MACROD2: variants seen among roughly 807,000 people sequenced by gnomAD.
MACROD2 encodes ADP-ribose glycohydrolase MACROD2.
In MACROD2, 36 loss-of-function variants were observed where a neutral mutation model predicts 70.4. That is an observed-to-expected ratio of 0.51 (90% CI 0.39 to 0.68). The LOEUF is 0.68. Among genes scored for constraint, MACROD2 ranks in the 30% least tolerant of loss-of-function variants. MACROD2 has a pLI of 0.00. For synonymous variants in MACROD2, 172 were observed against 178.8 expected (o/e 0.96, Z 0.30); for missense variants, 496 against 538.4 (o/e 0.92, Z 0.78).
chr20:14,497,720 A>T (rs762302244), intron 4 of MACROD2, among the ~76,000 whole-genome samples: 2 of 151,744 alleles, frequency 1.3e-5, no homozygotes, highest in Non-Finnish European at 2.9e-5. Context: ...TTTTGTACAC[A>T]TAGCTTTATG....
At chr20:14,682,171 G>A (rs192810621) in intron 4 of MACROD2, among the ~76,000 whole-genome samples, 15 of 152,136 alleles carry the variant, frequency 9.9e-5, no homozygotes, top group Non-Finnish European at 1.9e-4. Flanking sequence ...GGTAATATTT[G>A]ACAGCATATG....
chr20:14,322,175 A>AATATATAT lies in MACROD2; in HGVS notation c.272-171285_272-171278dup, dbSNP rs374464781. ...GACTTGTATCTTGATATTCTATTGA[A>AATATATAT]ATATATATATATATATATATATATA... On this transcript the variant is annotated intron_variant, in intron 3 of 17. Coordinates refer to ENST00000684519, the MANE Select transcript of MACROD2 (RefSeq NM_001351661.2). 6.9e-3 allele frequency among the ~76,000 whole-genome samples: 456 copies of AATATATAT among 66,366 alleles called. 46 individuals are homozygous for AATATATAT. Among genetic ancestry groups the AATATATAT allele is most frequent in the Middle Eastern group, 0.018 (2 of 112 alleles). The allele number at this position is 66,366 out of a possible 152,430, so 43.5% of individuals were successfully genotyped here.
chr20:14,964,429 C>T (rs1053739802), intron 5 of MACROD2, among the ~76,000 whole-genome samples: 11 of 151,746 alleles, frequency 7.2e-5, no homozygotes, highest in African/African-American at 1.2e-4. Context: ...AAAAATTAGC[C>T]GGGCGTGGTG....
intron 5 of MACROD2, among the ~76,000 whole-genome samples, chr20:15,076,047 T>C (rs142879087): frequency 1.5e-4 from 23 of 152,350 alleles, no homozygotes; most frequent in African/African-American, 5.3e-4. Flanking sequence ...TATAACCTTA[T>C]AATCAAGGTT....
At chr20:14,839,038 T>C (rs189560268) in intron 5 of MACROD2, among the ~76,000 whole-genome samples, 1 of 152,208 alleles carries the variant, frequency 6.6e-6, no homozygotes. Context: ...TCTCCTGGCC[T>C]AATGACCTTG....
At chr20:14,255,524 G>A (rs993037850) in intron 3 of MACROD2, among the ~76,000 whole-genome samples, 8 of 151,452 alleles carry the variant, frequency 5.3e-5, no homozygotes, top group African/African-American at 1.7e-4. Context: ...ATCACACACC[G>A]GGGCCTGTTG....
intron 3 of MACROD2, among the ~76,000 whole-genome samples, chr20:14,386,484 G>A (rs1259396227): frequency 6.6e-6 from 1 of 152,194 alleles, no homozygotes; most frequent in East Asian, 1.9e-4. Flanking sequence ...GAATATGGGG[G>A]CAGATCACTC....
intron 9 of MACROD2, among the ~76,000 whole-genome samples, chr20:15,873,360 C>T (rs1168783817): frequency 1.3e-5 from 2 of 152,020 alleles, no homozygotes; most frequent in Non-Finnish European, 2.9e-5. Context: ...TTACATCCTA[C>T]TGTTTTGATG....
At chr20:15,287,453 A>G (rs1422860259) in intron 6 of MACROD2, among the ~76,000 whole-genome samples, 2 of 152,212 alleles carry the variant, frequency 1.3e-5, no homozygotes, top group Admixed American at 6.5e-5. Context: ...ACCACTTTTC[A>G]TTTGGCATGA....
At chr20:15,494,188 G>A (rs58839705) in intron 7 of MACROD2, among the ~76,000 whole-genome samples, 222 of 152,312 alleles carry the variant, frequency 1.5e-3, no homozygotes, top group African/African-American at 4.9e-3. Context: ...AAATAGATCA[G>A]CAGAGATTAT....
chr20:15,515,866 T>C (rs1233594294), intron 8 of MACROD2, among the ~76,000 whole-genome samples: 2 of 152,196 alleles, frequency 1.3e-5, no homozygotes, highest in East Asian at 3.9e-4. Flanking sequence ...CCCTGCTCTT[T>C]CCTTTATCTT....
At chr20:15,202,397 T>G (rs563939819) in intron 5 of MACROD2, among the ~76,000 whole-genome samples, 1 of 152,310 alleles carries the variant, frequency 6.6e-6, no homozygotes, top group Admixed American at 6.5e-5. Context: ...AAGAGCAGAT[T>G]GTCTCTTTGG....
At chr20:15,419,495 C>G (rs572761810) in intron 6 of MACROD2, among the ~76,000 whole-genome samples, 1 of 152,198 alleles carries the variant, frequency 6.6e-6, no homozygotes, top group Admixed American at 6.5e-5. Context: ...TCCTCCAGAG[C>G]TCCTGCAATC....
chr20:15,067,604 C>A (rs1028268513), intron 5 of MACROD2, among the ~76,000 whole-genome samples: 31 of 152,164 alleles, frequency 2.0e-4, no homozygotes, highest in Admixed American at 7.9e-4. Context: ...CCTGCCTCAG[C>A]CTCCCAAAGT....
chr20:14,524,316 G>A (rs1483135701), intron 4 of MACROD2, among the ~76,000 whole-genome samples: 2 of 152,086 alleles, frequency 1.3e-5, no homozygotes, highest in Admixed American at 6.6e-5. Flanking sequence ...AACCACCAAT[G>A]TCCTTTCCGA....
At chr20:15,300,892 A>T (rs911538049) in intron 6 of MACROD2, among the ~76,000 whole-genome samples, 3 of 152,330 alleles carry the variant, frequency 2.0e-5, no homozygotes, top group South Asian at 2.1e-4. Flanking sequence ...GAAGACCCGG[A>T]TGGAATGGGC....
chr20:15,431,272 C>T (rs540582578), intron 6 of MACROD2, 133 bp from the exon 7 acceptor site: 5 of 722,462 alleles, frequency 6.9e-6, no homozygotes, highest in Admixed American at 4.8e-5. Flanking sequence ...CCAGTGTCCC[C>T]TACTCCAACT....
rs1288048809 is a variant in MACROD2, at chr20:15,964,106, G to A, written c.908-3447G>A. Reference sequence around the variant, plus strand: ...GAACATTACCAAATGATAATTTTTAGAATTAAGTAAAATGCAAATCCAAGG... The same window carrying A: ...GAACATTACCAAATGATAATTTTTAAAATTAAGTAAAATGCAAATCCAAGG... On this transcript the variant is annotated intron_variant, in intron 12 of 17. Coordinates refer to ENST00000684519, the MANE Select transcript of MACROD2 (RefSeq NM_001351661.2). Among the ~76,000 whole-genome samples, 4 of 152,220 alleles carry A rather than the reference G, an allele frequency of 2.6e-5. No individual in the cohort carries two copies. In the East Asian group the frequency reaches 7.7e-4, roughly 29 times the overall value.
intron 7 of MACROD2, among the ~76,000 whole-genome samples, chr20:15,441,255 A>T (rs1022879851): frequency 6.6e-6 from 1 of 152,120 alleles, no homozygotes; most frequent in Non-Finnish European, 1.5e-5. Flanking sequence ...TGCTCTCCAT[A>T]CCCTACCCAC....
Sources: allele counts gnomAD v4.1 joint callset (sites outside exome capture counted in the v4.1 genomes callset), GRCh38; gene constraint gnomAD v4.1.1; transcripts MANE v1.5; gene names NCBI Gene and HGNC (gene_info 2026-07-23, HGNC 2026-07-21).